The following SBF2 variants were observed in gnomAD, a reference collection of about 807,000 sequenced individuals.
The protein encoded by SBF2 is SET binding factor 2.
In SBF2, 112 loss-of-function variants were observed where a neutral mutation model predicts 225.2. The ratio of observed to expected loss-of-function variants is 0.50; its 90% CI spans 0.43 to 0.58. The LOEUF is 0.58. Among genes scored for constraint, SBF2 ranks in the 20% least tolerant of loss-of-function variants. The pLI is 0.00. For missense variants in SBF2, 1,996 were observed against 2,206.2 expected (o/e 0.90, Z 1.91); for synonymous variants, 763 against 773.3 (o/e 0.99, Z 0.22).
chr11:10,004,146 T>C (rs903911957), intron 6 of SBF2, among the ~76,000 whole-genome samples: 6 of 152,156 alleles, frequency 3.9e-5, no homozygotes, highest in African/African-American at 1.4e-4. Flanking sequence ...ATCCAGTCCT[T>C]ATTCCCTTCA....
At chr11:9,925,586 T>C (rs943155938) in intron 16 of SBF2, among the ~76,000 whole-genome samples, 2 of 152,210 alleles carry the variant, frequency 1.3e-5, no homozygotes, top group Non-Finnish European at 2.9e-5. Flanking sequence ...ACTAATGAGA[T>C]ATTTTATATT....
At chr11:10,242,425 G>A (rs1959312110) in intron 1 of SBF2, among the ~76,000 whole-genome samples, 1 of 151,738 alleles carries the variant, frequency 6.6e-6, no homozygotes, top group Non-Finnish European at 1.5e-5. Context: ...TCATATCAAA[G>A]TGAAAACAGC....
intron 13 of SBF2, among the ~76,000 whole-genome samples, chr11:9,983,686 C>A (rs773261281): frequency 6.6e-6 from 1 of 152,098 alleles, no homozygotes; most frequent in Non-Finnish European, 1.5e-5. Flanking sequence ...CTGCACCCTC[C>A]GCCACCTCCA....
At chr11:10,277,090 G>C (rs1196306231) in intron 1 of SBF2, among the ~76,000 whole-genome samples, 1 of 134,796 alleles carries the variant, frequency 7.4e-6, no homozygotes, top group Non-Finnish European at 1.5e-5. Flanking sequence ...AAAAGATAGT[G>C]CCACTGCACT....
At chr11:10,200,118 T>C (rs770850818) in intron 1 of SBF2, among the ~76,000 whole-genome samples, 3 of 152,120 alleles carry the variant, frequency 2.0e-5, no homozygotes, top group Non-Finnish European at 4.4e-5. Flanking sequence ...TTTATATACA[T>C]ATGAAACAGG....
chr11:10,094,527 G>A (rs1180268206), intron 2 of SBF2, among the ~76,000 whole-genome samples: 2 of 71,642 alleles, frequency 2.8e-5, no homozygotes, highest in African/African-American at 4.1e-5. Context: ...AATACACACA[G>A]ATTTTTTTTT....
intron 2 of SBF2, among the ~76,000 whole-genome samples, chr11:10,116,127 C>T (rs1421048992): frequency 6.6e-6 from 1 of 152,140 alleles, no homozygotes; most frequent in Non-Finnish European, 1.5e-5. Context: ...CGAGATCACG[C>T]CACTGCACTC....
At chr11:10,113,593 T>A (rs1436147581) in intron 2 of SBF2, among the ~76,000 whole-genome samples, 1 of 152,186 alleles carries the variant, frequency 6.6e-6, no homozygotes, top group Non-Finnish European at 1.5e-5. Context: ...ACTAAAGATG[T>A]AGATGGCAAA....
rs527656857 is a variant in SBF2, at chr11:9,929,434, C to T, written c.1860+32523G>A. Among the ~76,000 whole-genome samples the T allele has an allele frequency of 3.1e-4, 47 of 152,260 alleles. 1 individual carries two copies. Among genetic ancestry groups the T allele is most frequent in the African/African-American group, 8.2e-4 (34 of 41,556 alleles). On this transcript the variant is annotated intron_variant, in intron 16 of 39. Transcript: ENST00000256190. ...GTAGGACCAAGAAGCAGCTCCAAAG[C>T]GCTTCCCAAAGCCAAACTTGCAACC...
chr11:10,174,889 G>C (rs1956384332), intron 2 of SBF2, among the ~76,000 whole-genome samples: 1 of 150,400 alleles, frequency 6.6e-6, no homozygotes, highest in Non-Finnish European at 1.5e-5. Flanking sequence ...TTTCAACCCA[G>C]AATTTCATAT....
At chr11:10,007,188 A>G (rs1948235477) in intron 6 of SBF2, among the ~76,000 whole-genome samples, 3 of 152,216 alleles carry the variant, frequency 2.0e-5, no homozygotes, top group Non-Finnish European at 2.9e-5. Context: ...TGGTAAGATC[A>G]GCTCATTCCA....
At chr11:9,921,576 C>T (rs1863636172) in intron 16 of SBF2, among the ~76,000 whole-genome samples, 13 of 152,158 alleles carry the variant, frequency 8.5e-5, no homozygotes, top group Admixed American at 8.5e-4. Context: ...AGAATTATAC[C>T]TGATTTTGGA....
chr11:9,846,164 T>G (rs544092908), intron 23 of SBF2, among the ~76,000 whole-genome samples: 84 of 152,316 alleles, frequency 5.5e-4, no homozygotes, highest in Non-Finnish European at 1.1e-3. Context: ...TATTTGAGTG[T>G]GGAGTTCTTT....
At chr11:10,055,657 A>T (rs1208567038) in intron 2 of SBF2, among the ~76,000 whole-genome samples, 1 of 152,132 alleles carries the variant, frequency 6.6e-6, no homozygotes, top group Non-Finnish European at 1.5e-5. Context: ...ATTACCTAAG[A>T]AAAACAACTC....
At chr11:10,107,081 G>T (rs1162396426) in intron 2 of SBF2, among the ~76,000 whole-genome samples, 2 of 152,112 alleles carry the variant, frequency 1.3e-5, no homozygotes, top group African/African-American at 4.8e-5. Context: ...CAATATATTT[G>T]AAAAATACTT....
At chr11:10,179,579 A>G (rs1178558052) in intron 2 of SBF2, among the ~76,000 whole-genome samples, 2 of 152,076 alleles carry the variant, frequency 1.3e-5, no homozygotes, top group Non-Finnish European at 2.9e-5. Flanking sequence ...TTCTTTATTG[A>G]ACTTTCTGTC....
At chr11:10,131,195 T>C (rs1434691349) in intron 2 of SBF2, among the ~76,000 whole-genome samples, 4 of 152,000 alleles carry the variant, frequency 2.6e-5, no homozygotes, top group Non-Finnish European at 5.9e-5. Flanking sequence ...CTCCAGTGGC[T>C]GTTCCTTGCC....
At chr11:10,008,016 G>C (rs1005035335) in intron 6 of SBF2, among the ~76,000 whole-genome samples, 6 of 152,216 alleles carry the variant, frequency 3.9e-5, no homozygotes, top group African/African-American at 1.4e-4. Context: ...GGGAGAAAGT[G>C]ATTCCATTAT....
chr11:10,231,986 C>T (rs1433499236), intron 1 of SBF2, among the ~76,000 whole-genome samples: 1 of 152,194 alleles, frequency 6.6e-6, no homozygotes, highest in Non-Finnish European at 1.5e-5. Context: ...GCTTTGTTTA[C>T]CTACTCAAGC....
Sources: allele counts gnomAD v4.1 joint callset (sites outside exome capture counted in the v4.1 genomes callset), GRCh38; gene constraint gnomAD v4.1.1; transcripts MANE v1.5; gene names NCBI Gene and HGNC (gene_info 2026-07-23, HGNC 2026-07-21).